PRICKLE3: variants seen among roughly 807,000 people sequenced by gnomAD.
The protein encoded by PRICKLE3 is prickle planar cell polarity protein 3, also known as LIM domain only protein 6.
A neutral mutation model predicts 33.8 loss-of-function variants in PRICKLE3; 17 were observed. The ratio of observed to expected loss-of-function variants is 0.50; its 90% confidence interval spans 0.34 to 0.75. PRICKLE3 has a LOEUF of 0.75. PRICKLE3 is among the 30% of genes least tolerant of loss of function. The pLI is 0.01. For synonymous variants in PRICKLE3, 211 were observed against 219.6 expected, an observed-to-expected ratio of 0.96 and a Z score of 0.34; for missense variants, 573 against 576.7, an observed-to-expected ratio of 0.99 and a Z score of 0.07.
intron 1 of PRICKLE3, among the ~76,000 whole-genome samples, chrX:49,185,708 C>G (rs929520033): frequency 2.7e-5 from 3 of 110,337 alleles, no homozygotes; most frequent in African/African-American, 9.9e-5. Flanking sequence ...CGAGACCAGC[C>G]TGGCCAACAT....
In PRICKLE3 at chrX:49,175,236, C is replaced by T. The variant is rs1209085832; in HGVS notation, c.*437G>A. 6 of 168,493 alleles carry T rather than the reference C, an allele frequency of 3.6e-5. No individual in the cohort carries two copies. The highest frequency in any genetic ancestry group is 1.5e-4 in the East Asian group (1 of 6,833). The allele number at this position is 168,493 out of a possible 1,213,427, so 13.9% of individuals were successfully genotyped here. On this transcript the variant is annotated 3_prime_UTR_variant, in exon 9 of 9. Coordinates refer to ENST00000599218, the MANE Select transcript of PRICKLE3 (RefSeq NM_006150.5). Reference sequence around the variant, plus strand: ...TATTAAATTACTTCAATAATACAAACGAGAGGCCCGGTGCGGTGGCTCATG... The same window carrying T: ...TATTAAATTACTTCAATAATACAAATGAGAGGCCCGGTGCGGTGGCTCATG...
chrX:49,183,740 C>T lies in PRICKLE3; in HGVS notation c.306G>A (p.Pro102=), dbSNP rs782536720. The T allele has an allele frequency of 9.9e-6, 12 of 1,211,722 alleles. No homozygotes were observed. Among genetic ancestry groups the T allele is most frequent in the Admixed American group, 2.2e-5 (1 of 46,071 alleles). ...AGGGCTGGCCTCTGGTCACCTGCTC[C>T]GGCTTAAGGCCTGGGGGCACCCAGG... ...EYAWVPPGLK[P]EQVYQFFSCL... is the part of the protein sequence containing the mutation. Residue 102 remains proline (P), a synonymous_variant, in exon 3 of 9, where the codon CCG becomes CCA. Transcript: ENST00000599218.
chrX:49,183,061 T>C (rs5952517), intron 3 of PRICKLE3, among the ~76,000 whole-genome samples: 3,632 of 111,500 alleles, frequency 0.033, 164 homozygotes, highest in African/African-American at 0.11. Context: ...TGACCTCAAG[T>C]AATCCGCCCG....
chrX:49,184,740 G>C, intron 1 of PRICKLE3, 30 bp from the exon 2 acceptor site: 1 of 1,163,065 alleles, frequency 8.6e-7, no homozygotes, highest in Non-Finnish European at 1.2e-6. Flanking sequence ...ATGCAGGGCC[G>C]GGTGAGGCGC....
rs1327446068 is a variant in PRICKLE3 at position 49,184,620 on chromosome X, C to G, written c.128+5G>C. 1.8e-6 allele frequency: 2 copies of G among 1,099,288 alleles called. No homozygotes were observed. Among genetic ancestry groups the G allele is most frequent in the African/African-American group, 1.9e-5 (1 of 53,222 alleles). 90.6% of individuals were successfully genotyped at this position (1,099,288 alleles called of 1,213,427 possible). A position where few individuals can be genotyped will look rare whatever the true frequency, so the allele number is the denominator to read the frequency against. On this transcript the variant is annotated splice_donor_5th_base_variant and intron_variant, in intron 2 of 8. Transcript: ENST00000599218. ...AAGGCGAGGCCCTTTAGGGGCGCCACTTACCTCCAGCCGTGGAGCAGGAAG... is the reference window on the plus strand; with the variant it reads ...AAGGCGAGGCCCTTTAGGGGCGCCAGTTACCTCCAGCCGTGGAGCAGGAAG...
chrX:49,184,045 G>A (rs1330867481), intron 2 of PRICKLE3, 128 bp from the exon 3 acceptor site: 2 of 871,150 alleles, frequency 2.3e-6, no homozygotes, highest in Non-Finnish European at 3.1e-6. Flanking sequence ...CAGGGACAGG[G>A]ATCTGGGCCT....
chrX:49,184,153 C>A (rs782473152), intron 2 of PRICKLE3, among the ~76,000 whole-genome samples: 1 of 110,181 alleles, frequency 9.1e-6, no homozygotes, highest in Admixed American at 9.6e-5. Flanking sequence ...TGTGGGGGAA[C>A]TTTCACTAGA....
At position 49,177,057 on chromosome X, in the gene PRICKLE3, G is replaced by T. The variant is rs782654239; in HGVS notation, c.1101C>A (p.Ser367Arg). The T allele has an allele frequency of 1.7e-6, 2 of 1,208,419 alleles. No homozygotes were observed. The highest frequency in any genetic ancestry group is 2.2e-6 in the Non-Finnish European group (2 of 893,775). Reference protein sequence around the residue: ...RGLIFCSRACSLGSEPTAPGP... With the variant: ...RGLIFCSRACRLGSEPTAPGP... Reference sequence around the variant, plus strand: ...CTGGAGCTGTGGGCTCGGACCCAAGGCTGCAGGCTCGAGAGCAGAAGATTA... The same window carrying T: ...CTGGAGCTGTGGGCTCGGACCCAAGTCTGCAGGCTCGAGAGCAGAAGATTA... The change falls in exon 8 of 9, where the codon AGC becomes AGA. Residue 367 changes from serine (S) to arginine (R), a missense_variant. Transcript: ENST00000599218.
Position 49,179,260 on chromosome X carries a change from G to A in PRICKLE3, c.555C>T (p.Ile185=). The A allele has an allele frequency of 8.3e-7, 1 of 1,211,081 alleles. No individual in the cohort carries two copies. The highest frequency in any genetic ancestry group is 1.8e-5 in the South Asian group (1 of 56,777). Residue 185 remains isoleucine, a synonymous_variant, in exon 5 of 9, where the codon ATC becomes ATT. Coordinates refer to ENST00000599218, the MANE Select transcript of PRICKLE3 (RefSeq NM_006150.5). ...GCCCTCCACGGCTCACCTCCTCACA[G>A]ATGGCCCCAGTGATGGTCACCGGGA... ...RIFPVTITGA[I]CEECGKQIGG...
chrX:49,179,834 C>T, intron 3 of PRICKLE3, 28 bp from the exon 4 acceptor site: 1 of 877,828 alleles, frequency 1.1e-6, no homozygotes, highest in Non-Finnish European at 1.6e-6. Context: ...TGGGAGAAAA[C>T]AACTGAAATG....
chrX:49,186,187 T>C, intron 1 of PRICKLE3, 69 bp downstream of exon 1: 1 of 1,083,166 alleles, frequency 9.2e-7, no homozygotes, highest in South Asian at 2.0e-5. Flanking sequence ...TCGCTATGCC[T>C]ATCCATTGCC....
In PRICKLE3 at chrX:49,183,881, C is replaced by A. The variant is rs782495114; in HGVS notation, c.165G>T (p.Glu55Asp). The part of the protein sequence containing the change: ...ICQHCKCPRE[E>D]HAVHAVPVDL... ...CCACAGGCACCGCGTGCACTGCATGCTCCTCCCGCGGGCATTTGCAATGCT... is the reference window on the plus strand; with the variant it reads ...CCACAGGCACCGCGTGCACTGCATGATCCTCCCGCGGGCATTTGCAATGCT... Residue 55 changes from glutamate (E) to aspartate (D), a missense_variant, in exon 3 of 9, where the codon GAG becomes GAT. Coordinates refer to ENST00000599218, the MANE Select transcript of PRICKLE3 (RefSeq NM_006150.5). The A allele has an allele frequency of 8.3e-7, 1 of 1,210,227 alleles. No individual in the cohort carries two copies. Among genetic ancestry groups the A allele is most frequent in the Non-Finnish European group, 1.1e-6 (1 of 894,222 alleles).
intron 3 of PRICKLE3, among the ~76,000 whole-genome samples, chrX:49,181,367 CA>C (rs1416562460): frequency 1.1e-5 from 1 of 89,483 alleles, no homozygotes; most frequent in Non-Finnish European, 2.1e-5. Flanking sequence ...GACCCCCCCC[CA>C]TATATATATA....
At chrX:49,181,628 T>TAC (rs1557101181) in intron 3 of PRICKLE3, among the ~76,000 whole-genome samples, 6 of 20,420 alleles carry the variant, frequency 2.9e-4, no homozygotes, top group Non-Finnish European at 7.2e-4. Context: ...TATATATATA[T>TAC]ACACACACAT....
intron 3 of PRICKLE3, among the ~76,000 whole-genome samples, chrX:49,181,551 G>GTA (rs201582664): frequency 1.5e-3 from 8 of 5,326 alleles, no homozygotes; most frequent in African/African-American, 3.9e-3. Flanking sequence ...ACGTATATGT[G>GTA]TATATATATA....
chrX:49,177,166 T>C lies in PRICKLE3; in HGVS notation c.992A>G (p.His331Arg). The C allele has an allele frequency of 8.4e-7, 1 of 1,189,570 alleles. No homozygotes were observed. Among genetic ancestry groups the C allele is most frequent in the African/African-American group, 1.8e-5 (1 of 56,967 alleles). Residue 331 changes from histidine (H) to arginine (R), a missense_variant, in exon 8 of 9, where the codon CAC (histidine) becomes CGC (arginine). Physicochemically the swap from His to Arg is conservative, Grantham distance 29 (BLOSUM62 0). Transcript: ENST00000599218. ...DQGQMAYEGQ[H>R]WHASDRCFCC... is the part of the protein sequence containing the mutation. ...GAAGCAGCGGTCTGAGGCATGCCAGTGCTGGCCCTCGTAAGCCATCTGGCC... is the reference window on the plus strand; with the variant it reads ...GAAGCAGCGGTCTGAGGCATGCCAGCGCTGGCCCTCGTAAGCCATCTGGCC...
rs782433320 is a variant in PRICKLE3, at chrX:49,175,052, T to C, written c.*621A>G. 3.5e-5 allele frequency: 12 copies of C among 345,261 alleles called. No individual in the cohort carries two copies. The highest frequency in any genetic ancestry group is 5.5e-5 in the South Asian group (1 of 18,249). The allele number at this position is 345,261 out of a possible 1,213,427, so 28.5% of individuals were successfully genotyped here. A position where few individuals can be genotyped will look rare whatever the true frequency, so the allele number is the denominator to read the frequency against. ...CTCCTCGGTGTGGGTGGTGGTTCTA[T>C]AGAGGGATAAATGAATAATAAACAT... On this transcript the variant is annotated 3_prime_UTR_variant, in exon 9 of 9. Transcript: ENST00000599218.
chrX:49,177,341 A>G, intron 7 of PRICKLE3, 139 bp from the exon 8 acceptor site: 4 of 622,144 alleles, frequency 6.4e-6, no homozygotes, highest in Non-Finnish European at 9.4e-6. Context: ...CTCCTCCAGA[A>G]TGGGGCCCTT....
chrX:49,176,143 G>C lies in PRICKLE3; in HGVS notation c.1378C>G (p.Arg460Gly), dbSNP rs782154020. 8.3e-7 allele frequency: 1 copy of C among 1,201,763 alleles called. No individual in the cohort carries two copies. The change falls in exon 9 of 9, where the codon CGC (arginine) becomes GGC (glycine). Residue 460 changes from arginine (R) to glycine (G), a missense_variant. By Grantham distance (125) the Arg-to-Gly change is moderately radical (BLOSUM62 -2). Transcript: ENST00000599218. ...PPESPGQPNL[R>G]PDDSAFGRQS... is the part of the protein sequence containing the mutation. ...CGACCGAAGGCACTATCATCTGGGC[G>C]CAGGTTAGGCTGGCCGGGGGACTCT... is the stretch of plus-strand genomic sequence containing the variant.
Sources: allele counts gnomAD v4.1 joint callset (sites outside exome capture counted in the v4.1 genomes callset), GRCh38; gene constraint gnomAD v4.1.1; transcripts MANE v1.5; gene names NCBI Gene and HGNC (gene_info 2026-07-23, HGNC 2026-07-21).